The following SCFD1 variants were observed in gnomAD, a reference collection of about 807,000 sequenced individuals.
SCFD1 encodes sec1 family domain containing 1.
SCFD1 carries 37 observed loss-of-function variants against 103.2 expected under a neutral mutation model. The observed-to-expected ratio is 0.36, with a 90% CI of 0.28 to 0.47. The LOEUF is 0.47. SCFD1 is among the 20% of genes least tolerant of loss of function. SCFD1 has a pLI of 1.00. For synonymous variants in SCFD1, 264 were observed against 245.0 expected, an observed-to-expected ratio of 1.08 and a Z score of -0.73; for missense variants, 639 against 761.2, an observed-to-expected ratio of 0.84 and a Z score of 1.89.
intron 15 of SCFD1, among the ~76,000 whole-genome samples, chr14:30,696,944 T>C (rs1377922753): frequency 1.3e-5 from 2 of 152,102 alleles, no homozygotes; most frequent in Non-Finnish European, 1.5e-5. Flanking sequence ...AATTTATAAA[T>C]ATAGAAAGGG....
chr14:30,622,544 G>T, intron 1 of SCFD1, 145 bp downstream of exon 1: 3 of 1,378,568 alleles, frequency 2.2e-6, no homozygotes, highest in Non-Finnish European at 1.9e-6. Context: ...TGAGTTTTTG[G>T]GGAGAAGTTG....
Position 30,721,891 on chromosome 14 carries a change from C to T in SCFD1, c.1744C>T (p.Pro582Ser). 1 of 1,608,360 alleles carries T rather than the reference C, an allele frequency of 6.2e-7. No homozygotes were observed. Among genetic ancestry groups the T allele is most frequent in the Non-Finnish European group, 8.5e-7 (1 of 1,176,276 alleles). Residue 582 changes from proline (P) to serine (S), a missense_variant, in exon 22 of 25, where the codon CCC becomes TCC. Transcript: ENST00000458591. ...GGTTTTTCTTTATTACAGCTCAGTT[C>T]CCAGAAATAAAAATCCATTCCAAGA... ...KMLRGNDSSV[P>S]RNKNPFQEAI... is the part of the protein sequence containing the mutation.
rs140343367 is a variant in SCFD1 at position 30,680,398 on chromosome 14, A to G, written c.1242+5333A>G. 7.0e-3 allele frequency among the ~76,000 whole-genome samples: 1,073 copies of G among 152,214 alleles called. 24 individuals carry two copies. The highest frequency in any genetic ancestry group is 0.025 in the African/African-American group (1,025 of 41,526). ...TTTTTTTTTCACTGTTACATAAGATATTTAACATAGTAGGTATATTCCCAC... is the reference window on the plus strand; with the variant it reads ...TTTTTTTTTCACTGTTACATAAGATGTTTAACATAGTAGGTATATTCCCAC... On this transcript the variant is annotated intron_variant, in intron 14 of 24. Transcript: ENST00000458591.
At chr14:30,683,147 G>T (rs539422477) in intron 14 of SCFD1, 7 of 1,124,526 alleles carry the variant, frequency 6.2e-6, no homozygotes, top group Non-Finnish European at 9.3e-6. Flanking sequence ...TGTTCAAGGG[G>T]CTATCAATGT....
rs180738850 is a variant in SCFD1, at chr14:30,731,083, C to T, written c.1837-3707C>T. 4.5e-3 allele frequency among the ~76,000 whole-genome samples: 692 copies of T among 152,214 alleles called. 7 individuals are homozygous for T. Among genetic ancestry groups the T allele is most frequent in the African/African-American group, 0.016 (648 of 41,538 alleles). ...TTTCTACATATGGCTAGCCAGTTTTCCCAGCACCATTTATTAAATAGGGAA... is the reference window on the plus strand; with the variant it reads ...TTTCTACATATGGCTAGCCAGTTTTTCCAGCACCATTTATTAAATAGGGAA... On this transcript the variant is annotated intron_variant, in intron 23 of 24. Transcript: ENST00000458591.
intron 6 of SCFD1, among the ~76,000 whole-genome samples, chr14:30,642,717 ATT>A (rs1885407322): frequency 6.6e-6 from 1 of 152,100 alleles, no homozygotes; most frequent in Admixed American, 6.5e-5. Flanking sequence ...GGAATATGAT[ATT>A]TATTTTCCTT....
chr14:30,667,714 G>T (rs529624238), intron 10 of SCFD1, among the ~76,000 whole-genome samples: 8 of 152,136 alleles, frequency 5.3e-5, no homozygotes, highest in Non-Finnish European at 7.4e-5. Flanking sequence ...AAAGTCTCAG[G>T]ATACAAAATC....
At chr14:30,650,508 A>C in intron 8 of SCFD1, 57 bp from the exon 9 acceptor site, 1 of 984,042 alleles carries the variant, frequency 1.0e-6, no homozygotes, top group African/African-American at 1.6e-5. Flanking sequence ...ATTTTGAATT[A>C]ACCTCCATAA....
At chr14:30,625,639 G>A (rs185568353) in intron 1 of SCFD1, among the ~76,000 whole-genome samples, 2 of 147,128 alleles carry the variant, frequency 1.4e-5, no homozygotes, top group Admixed American at 1.4e-4. Context: ...AGGTATATAG[G>A]CATATAGGTA....
At chr14:30,716,214 T>G (rs1179129361) in intron 20 of SCFD1, among the ~76,000 whole-genome samples, 4 of 152,334 alleles carry the variant, frequency 2.6e-5, no homozygotes, top group African/African-American at 9.6e-5. Context: ...GTCATGTAGA[T>G]TATATCCTAT....
At chr14:30,701,734 T>G (rs1891094158) in intron 16 of SCFD1, among the ~76,000 whole-genome samples, 2 of 152,112 alleles carry the variant, frequency 1.3e-5, no homozygotes, top group African/African-American at 4.8e-5. Context: ...TTCATAAATT[T>G]AAGTGATCGT....
chr14:30,694,263 ATG>A (rs1190455819), intron 14 of SCFD1, among the ~76,000 whole-genome samples: 1 of 152,214 alleles, frequency 6.6e-6, no homozygotes, highest in Non-Finnish European at 1.5e-5. Flanking sequence ...TTGCTAATAT[ATG>A]TACGTTATGC....
rs965436310 is a variant in SCFD1 at position 30,722,408 on chromosome 14, T to G, written c.1771-86T>G. ...GCATCAGGGGCTTAGAATATGACTT[T>G]TGGCTAGCATTTTTTAACCTTAATT... On this transcript the variant is annotated intron_variant, in intron 22 of 24. Transcript: ENST00000458591. 7.4e-6 allele frequency: 7 copies of G among 944,050 alleles called. No homozygotes were observed. In the African/African-American group the frequency reaches 1.2e-4, roughly 16 times the overall value. The allele number at this position is 944,050 out of a possible 1,614,324, so 58.5% of individuals were successfully genotyped here.
intron 19 of SCFD1, among the ~76,000 whole-genome samples, chr14:30,713,078 G>T (rs1484400173): frequency 6.6e-6 from 1 of 151,906 alleles, no homozygotes; most frequent in Non-Finnish European, 1.5e-5. Context: ...GATTAACCTG[G>T]TATGTAAATT....
At chr14:30,634,563 G>A (rs934909892) in intron 4 of SCFD1, among the ~76,000 whole-genome samples, 1 of 152,182 alleles carries the variant, frequency 6.6e-6, no homozygotes, top group East Asian at 1.9e-4. Context: ...GCAAATAAGG[G>A]CAACCACTGT....
intron 18 of SCFD1, 147 bp downstream of exon 18, chr14:30,706,032 T>TG (rs1285982420): frequency 2.1e-6 from 1 of 475,556 alleles, no homozygotes; most frequent in Non-Finnish European, 3.5e-6. Context: ...GTTCTCCTGG[T>TG]TTTTTTTTTC....
At chr14:30,673,509 T>C (rs1888740558) in intron 12 of SCFD1, among the ~76,000 whole-genome samples, 162 bp downstream of exon 12, 1 of 152,146 alleles carries the variant, frequency 6.6e-6, no homozygotes, top group South Asian at 2.1e-4. Flanking sequence ...AATCTAAATA[T>C]TGAGAAGAGA....
intron 7 of SCFD1, among the ~76,000 whole-genome samples, chr14:30,647,904 G>A (rs560095835): frequency 6.6e-6 from 1 of 152,284 alleles, no homozygotes; most frequent in South Asian, 2.1e-4. Context: ...GCCCGCCTCA[G>A]CCTCCCAAAG....
At chr14:30,710,718 C>A (rs1051581367) in intron 19 of SCFD1, among the ~76,000 whole-genome samples, 1 of 152,106 alleles carries the variant, frequency 6.6e-6, no homozygotes, top group Admixed American at 6.5e-5. Context: ...TGTTAAAGCT[C>A]TATTACCCTT....
Sources: gnomAD v4.1 joint callset for allele counts (sites outside exome capture counted in the v4.1 genomes callset) on GRCh38, gnomAD v4.1.1 for gene constraint, MANE v1.5 for transcripts, NCBI Gene and HGNC (gene_info 2026-07-23, HGNC 2026-07-21) for gene names.